Variants in DPP10 observed in about 807,000 individuals in gnomAD.
The protein encoded by DPP10 is inactive dipeptidyl peptidase 10.
A neutral mutation model predicts 120.9 loss-of-function variants in DPP10; 33 were observed. The observed-to-expected ratio is 0.27, with a 90% CI of 0.21 to 0.37. The LOEUF (loss-of-function observed/expected upper bound fraction) is 0.37. DPP10 is among the 10% of genes least tolerant of loss of function. DPP10 has a pLI of 1.00. For synonymous variants in DPP10, 337 were observed against 326.1 expected (o/e 1.03, Z -0.36); for missense variants, 816 against 942.8 (o/e 0.87, Z 1.76).
intron 3 of DPP10, among the ~76,000 whole-genome samples, chr2:115,380,686 G>C (rs886414848): frequency 1.8e-4 from 27 of 152,054 alleles, no homozygotes; most frequent in Non-Finnish European, 3.1e-4. Context: ...TGCAGTGGCT[G>C]GTACCAGTTG....
chr2:114,500,488 A>C (rs1052201228), intron 1 of DPP10, among the ~76,000 whole-genome samples: 1 of 152,184 alleles, frequency 6.6e-6, no homozygotes, highest in Non-Finnish European at 1.5e-5. Context: ...ATTATACCAA[A>C]GTGTTAGATC....
chr2:115,348,153 C>G (rs1224842900), intron 3 of DPP10, among the ~76,000 whole-genome samples: 1 of 152,248 alleles, frequency 6.6e-6, no homozygotes, highest in Non-Finnish European at 1.5e-5. Flanking sequence ...GTTCAACGTA[C>G]TCAGCATGCC....
chr2:115,701,120 C>T (rs551517889), intron 7 of DPP10, among the ~76,000 whole-genome samples: 28 of 152,134 alleles, frequency 1.8e-4, no homozygotes, highest in Admixed American at 5.2e-4. Flanking sequence ...TTTCATAGGG[C>T]TTCAAGTATC....
At chr2:114,601,318 G>T (rs1230663586) in intron 1 of DPP10, among the ~76,000 whole-genome samples, 1 of 151,846 alleles carries the variant, frequency 6.6e-6, no homozygotes. Context: ...TCTGATTCTA[G>T]ACCAAAGATC....
At chr2:115,731,408 TC>T (rs1398703989) in intron 8 of DPP10, among the ~76,000 whole-genome samples, 1 of 147,458 alleles carries the variant, frequency 6.8e-6, no homozygotes, top group South Asian at 2.2e-4. Context: ...ATACCTGTGT[TC>T]CCCCCTACTC....
At chr2:115,465,384 T>C (rs2074259346) in intron 3 of DPP10, among the ~76,000 whole-genome samples, 1 of 152,194 alleles carries the variant, frequency 6.6e-6, no homozygotes, top group Admixed American at 6.5e-5. Context: ...TCTATATTTT[T>C]CACACTGAGG....
chr2:115,045,022 A>G (rs564945067), intron 1 of DPP10, among the ~76,000 whole-genome samples: 1 of 152,170 alleles, frequency 6.6e-6, no homozygotes, highest in Admixed American at 6.5e-5. Context: ...TCATCTGTTG[A>G]TGGATACTTT....
At chr2:115,350,831 T>C in intron 3 of DPP10, among the ~76,000 whole-genome samples, 1 of 152,186 alleles carries the variant, frequency 6.6e-6, no homozygotes, top group African/African-American at 2.4e-5. Context: ...ACCTAAATAG[T>C]ACCCTAGCCC....
chr2:114,777,889 G>A (rs546345725), intron 1 of DPP10, among the ~76,000 whole-genome samples: 1 of 152,104 alleles, frequency 6.6e-6, no homozygotes, highest in African/African-American at 2.4e-5. Flanking sequence ...ACTCATATCC[G>A]CAATTTTATG....
intron 1 of DPP10, among the ~76,000 whole-genome samples, chr2:114,542,433 A>G (rs1687034632): frequency 6.6e-6 from 1 of 152,184 alleles, no homozygotes; most frequent in Non-Finnish European, 1.5e-5. Context: ...CAGAAGGCTG[A>G]TTGAGTGGAA....
chr2:115,219,403 A>G (rs1172437977), intron 1 of DPP10, among the ~76,000 whole-genome samples: 1 of 152,102 alleles, frequency 6.6e-6, no homozygotes, highest in Non-Finnish European at 1.5e-5. Flanking sequence ...CTTTTCCATA[A>G]TCATCCTACT....
At chr2:115,143,179 G>A (rs1001974058) in intron 1 of DPP10, among the ~76,000 whole-genome samples, 3 of 152,172 alleles carry the variant, frequency 2.0e-5, no homozygotes, top group African/African-American at 7.2e-5. Context: ...TGATAGCAGT[G>A]GATGAGCATG....
intron 1 of DPP10, among the ~76,000 whole-genome samples, chr2:114,499,113 G>A (rs941858208): frequency 1.3e-5 from 2 of 152,162 alleles, no homozygotes; most frequent in African/African-American, 4.8e-5. Flanking sequence ...CGTCCATGGT[G>A]GCAGCTATCC....
chr2:115,295,610 C>T (rs1262678297), intron 1 of DPP10, among the ~76,000 whole-genome samples: 2 of 152,030 alleles, frequency 1.3e-5, no homozygotes, highest in Non-Finnish European at 1.5e-5. Flanking sequence ...TTTTAAATGC[C>T]TATATGGTAC....
intron 3 of DPP10, among the ~76,000 whole-genome samples, chr2:115,347,107 G>C (rs1372722772): frequency 6.6e-6 from 1 of 152,130 alleles, no homozygotes; most frequent in Non-Finnish European, 1.5e-5. Flanking sequence ...TTTAATGAAA[G>C]TTTTATGTCA....
At chr2:114,665,409 T>C (rs1013468722) in intron 1 of DPP10, among the ~76,000 whole-genome samples, 6 of 152,168 alleles carry the variant, frequency 3.9e-5, no homozygotes, top group East Asian at 1.9e-4. Flanking sequence ...TTTTCTCTTA[T>C]CATTTTTTTT....
At chr2:114,696,764 T>C (rs1486578487) in intron 1 of DPP10, among the ~76,000 whole-genome samples, 1 of 151,668 alleles carries the variant, frequency 6.6e-6, no homozygotes, top group Non-Finnish European at 1.5e-5. Context: ...GGTGGAGAGG[T>C]GAATGAAAAA....
intron 1 of DPP10, among the ~76,000 whole-genome samples, chr2:115,220,249 G>T (rs2057067027): frequency 6.6e-6 from 1 of 152,090 alleles, no homozygotes; most frequent in South Asian, 2.1e-4. Context: ...TACACTCATT[G>T]TTGGTAGCTA....
At chr2:115,603,834 T>G (rs985831421) in intron 5 of DPP10, among the ~76,000 whole-genome samples, 1 of 152,154 alleles carries the variant, frequency 6.6e-6, no homozygotes, top group African/African-American at 2.4e-5. Context: ...GAGATGATTT[T>G]TATCAGAAGG....
Sources: allele counts gnomAD v4.1 joint callset (sites outside exome capture counted in the v4.1 genomes callset), GRCh38; gene constraint gnomAD v4.1.1; transcripts MANE v1.5; gene names NCBI Gene and HGNC (gene_info 2026-07-23, HGNC 2026-07-21).